The following TBC1D9 variants were observed in gnomAD, a reference collection of about 807,000 sequenced individuals.
TBC1D9 encodes TBC1 domain family member 9.
In TBC1D9, 63 loss-of-function variants were observed where a neutral mutation model predicts 132.0. The ratio of observed to expected loss-of-function variants is 0.48; its 90% CI spans 0.39 to 0.59. The LOEUF (loss-of-function observed/expected upper bound fraction) is 0.59. Ranked by LOEUF, TBC1D9 falls within the 20% of genes least tolerant of loss-of-function variation. TBC1D9 has a pLI of 0.00. For missense variants in TBC1D9, 1,261 were observed against 1,592.7 expected (o/e 0.79, Z 3.54); for synonymous variants, 610 against 609.9 (o/e 1.00, Z 0.00).
At chr4:140,707,683 A>T (rs1738169403) in intron 1 of TBC1D9, among the ~76,000 whole-genome samples, 3 of 152,216 alleles carry the variant, frequency 2.0e-5, no homozygotes. Flanking sequence ...CTCTCTAGCC[A>T]TACCATAACT....
At chr4:140,665,981 G>C (rs953092460) in intron 9 of TBC1D9, among the ~76,000 whole-genome samples, 1 of 152,134 alleles carries the variant, frequency 6.6e-6, no homozygotes, top group Non-Finnish European at 1.5e-5. Flanking sequence ...ACTGTGCCCA[G>C]CCCACACAAA....
rs1267062111 is a variant in TBC1D9, at chr4:140,701,631, G to T, written c.131-17C>A. On this transcript the variant is annotated splice_polypyrimidine_tract_variant and intron_variant, in intron 1 of 20. Coordinates refer to ENST00000442267, the MANE Select transcript of TBC1D9 (RefSeq NM_015130.3). ...CCAGCAGGCCTGAGGGTGGAAAGTGGGGAGAAACAGGTAAGAATTGCCTTA... is the reference window on the plus strand; with the variant it reads ...CCAGCAGGCCTGAGGGTGGAAAGTGTGGAGAAACAGGTAAGAATTGCCTTA... The T allele has an allele frequency of 6.3e-7, 1 of 1,596,322 alleles. No individual in the cohort carries two copies. The highest frequency in any genetic ancestry group is 1.3e-5 in the African/African-American group (1 of 74,530).
chr4:140,711,860 T>C (rs918580091), intron 1 of TBC1D9, among the ~76,000 whole-genome samples: 2 of 152,192 alleles, frequency 1.3e-5, no homozygotes, highest in Non-Finnish European at 2.9e-5. Context: ...TTTTAAAGAA[T>C]ACAAAACTAA....
chr4:140,744,444 AC>A (rs1738807511), intron 1 of TBC1D9, among the ~76,000 whole-genome samples: 1 of 152,146 alleles, frequency 6.6e-6, no homozygotes, highest in Admixed American at 6.5e-5. Context: ...GGCACAACTG[AC>A]CAGCATTAAC....
chr4:140,675,695 C>A (rs1737613470), intron 6 of TBC1D9, among the ~76,000 whole-genome samples: 1 of 152,164 alleles, frequency 6.6e-6, no homozygotes, highest in South Asian at 2.1e-4. Flanking sequence ...TGCAGAGATA[C>A]AGATTCAGAA....
chr4:140,727,117 A>C (rs1479235280), intron 1 of TBC1D9, among the ~76,000 whole-genome samples: 1 of 152,226 alleles, frequency 6.6e-6, no homozygotes, highest in Non-Finnish European at 1.5e-5. Context: ...AAAATTATAG[A>C]GAGAACTTAG....
chr4:140,656,206 T>G (rs1447969556), intron 13 of TBC1D9, among the ~76,000 whole-genome samples: 1 of 152,168 alleles, frequency 6.6e-6, no homozygotes, highest in Admixed American at 6.5e-5. Context: ...AAGCCTATAG[T>G]CTCAATGTTT....
intron 2 of TBC1D9, among the ~76,000 whole-genome samples, chr4:140,689,530 TCCC>T (rs1370443131): frequency 3.0e-5 from 3 of 99,038 alleles, no homozygotes; most frequent in South Asian, 4.7e-4. Flanking sequence ...TCCCTTCCAT[TCCC>T]CCTTTTCCCT....
At chr4:140,673,911 G>A (rs1349271540) in intron 6 of TBC1D9, among the ~76,000 whole-genome samples, 1 of 152,174 alleles carries the variant, frequency 6.6e-6, no homozygotes, top group Non-Finnish European at 1.5e-5. Flanking sequence ...CCCGGGAGGG[G>A]GAAGCCAGAA....
chr4:140,751,945 G>A (rs1251956061), intron 1 of TBC1D9, among the ~76,000 whole-genome samples: 1 of 152,240 alleles, frequency 6.6e-6, no homozygotes, highest in African/African-American at 2.4e-5. Context: ...AAGGATATGT[G>A]ATGGAACAAG....
At chr4:140,649,731 G>A (rs573030302) in intron 13 of TBC1D9, among the ~76,000 whole-genome samples, 1 of 152,276 alleles carries the variant, frequency 6.6e-6, no homozygotes, top group Non-Finnish European at 1.5e-5. Flanking sequence ...CAGAAGAAGA[G>A]GGTGAGGGGG....
chr4:140,702,847 C>T (rs1738093308), intron 1 of TBC1D9, among the ~76,000 whole-genome samples: 1 of 152,132 alleles, frequency 6.6e-6, no homozygotes, highest in Admixed American at 6.5e-5. Context: ...CTACATGGAA[C>T]CCAGTATAGA....
intron 13 of TBC1D9, chr4:140,642,319 T>C: frequency 1.3e-6 from 1 of 773,372 alleles, no homozygotes; most frequent in Non-Finnish European, 2.2e-6. Context: ...CCTCTGGCCT[T>C]GAACCCCACC....
At chr4:140,730,226 C>T (rs1021334269) in intron 1 of TBC1D9, among the ~76,000 whole-genome samples, 1 of 152,174 alleles carries the variant, frequency 6.6e-6, no homozygotes, top group African/African-American at 2.4e-5. Flanking sequence ...GTAGCTCTTC[C>T]TCATCAGGCC....
At position 140,701,493 on chromosome 4, in the gene TBC1D9, TG is replaced by T; in HGVS notation, c.241+10del. 6.2e-7 allele frequency: 1 copy of T among 1,604,010 alleles called. No homozygotes were observed. The highest frequency in any genetic ancestry group is 8.5e-7 in the Non-Finnish European group (1 of 1,171,120). On this transcript the variant is annotated intron_variant, in intron 2 of 20. Coordinates refer to ENST00000442267, the MANE Select transcript of TBC1D9 (RefSeq NM_015130.3). Reference sequence around the variant, plus strand: ...TTTAAAACTTGTGTATTTCTGGATGTGGTTGCTTACCACAGGCGATGGTCCA... The same window carrying T: ...TTTAAAACTTGTGTATTTCTGGATGTGTTGCTTACCACAGGCGATGGTCCA...
Position 140,667,461 on chromosome 4 carries a change from C to G in TBC1D9, c.1588+1456G>C, listed in dbSNP as rs9990706. On this transcript the variant is annotated intron_variant, in intron 9 of 20. Transcript: ENST00000442267. ...TGTTTACTCTGTCAGTGATCTGAAT[C>G]TGGTTGTCAAGGTGACTAGTTCACT... 2.8e-3 allele frequency among the ~76,000 whole-genome samples: 430 copies of G among 152,298 alleles called. 1 individual carries two copies. The highest frequency in any genetic ancestry group is 1.0e-2 in the African/African-American group (414 of 41,562).
At chr4:140,731,589 T>C (rs1057334332) in intron 1 of TBC1D9, among the ~76,000 whole-genome samples, 11 of 151,828 alleles carry the variant, frequency 7.2e-5, no homozygotes, top group Non-Finnish European at 1.5e-4. Context: ...GGGTAAATGG[T>C]TTCCAAGCTG....
intron 5 of TBC1D9, among the ~76,000 whole-genome samples, chr4:140,678,465 T>TCCTCATCCCATGCCCTGCCACCTAC (rs1737657914): frequency 1.3e-5 from 2 of 152,198 alleles, no homozygotes; most frequent in Non-Finnish European, 2.9e-5. Flanking sequence ...CTGCAGCCTC[T>TCCTCATCCCATGCCCTGCCACCTAC]CCTCATCCCA....
At position 140,642,558 on chromosome 4, in the gene TBC1D9, C is replaced by T; in HGVS notation, c.2338-3130G>A. 4 of 1,068,248 alleles carry T rather than the reference C, an allele frequency of 3.7e-6. No homozygotes were observed. The South Asian group carries it at 5.6e-5, about 15-fold the overall frequency. The allele number at this position is 1,068,248 out of a possible 1,614,324, so 66.2% of individuals were successfully genotyped here. A position where few individuals can be genotyped will look rare whatever the true frequency, so the allele number is the denominator to read the frequency against. On this transcript the variant is annotated intron_variant, in intron 13 of 20. Coordinates refer to ENST00000442267, the MANE Select transcript of TBC1D9 (RefSeq NM_015130.3). Reference sequence around the variant, plus strand: ...GCTTGGTGAGGGAGAGGGCCTTTGTCGAGCTTGCTTGCCAACTGCTCCTGG... The same window carrying T: ...GCTTGGTGAGGGAGAGGGCCTTTGTTGAGCTTGCTTGCCAACTGCTCCTGG...
Sources: allele counts gnomAD v4.1 joint callset (sites outside exome capture counted in the v4.1 genomes callset), GRCh38; gene constraint gnomAD v4.1.1; transcripts MANE v1.5; gene names NCBI Gene and HGNC (gene_info 2026-07-23, HGNC 2026-07-21).